The following COMMD1 variants were observed in gnomAD, a reference collection of about 807,000 sequenced individuals.
COMMD1 encodes the protein COMM domain-containing protein 1.
Under a neutral mutation model 17.2 loss-of-function variants are expected in COMMD1, and 10 were observed. The ratio of observed to expected loss-of-function variants is 0.58; its 90% confidence interval spans 0.36 to 0.99. COMMD1 has a LOEUF of 0.99. COMMD1 is among the 50% of genes least tolerant of loss of function. The pLI, the probability that COMMD1 is intolerant of heterozygous loss-of-function variation, is 0.01. For synonymous variants in COMMD1, 97 were observed against 91.6 expected (o/e 1.06, Z -0.34); for missense variants, 270 against 231.8 (o/e 1.17, Z -1.07).
intron 2 of COMMD1, among the ~76,000 whole-genome samples, chr2:62,040,940 G>A (rs1413781183): frequency 6.6e-6 from 1 of 152,094 alleles, no homozygotes; most frequent in African/African-American, 2.4e-5. Flanking sequence ...CAAACTCCTG[G>A]CCTCAAGTGG....
At chr2:62,030,297 A>G (rs1347596756) in intron 2 of COMMD1, among the ~76,000 whole-genome samples, 1 of 152,138 alleles carries the variant, frequency 6.6e-6, no homozygotes, top group African/African-American at 2.4e-5. Flanking sequence ...TCTATGACCC[A>G]CCTTGGGGAA....
chr2:62,076,624 G>A (rs984772475), intron 2 of COMMD1, among the ~76,000 whole-genome samples: 1 of 152,154 alleles, frequency 6.6e-6, no homozygotes, highest in Non-Finnish European at 1.5e-5. Context: ...GTGGGCACCT[G>A]TAATCCTAGC....
At chr2:62,062,559 C>T (rs1670892399) in intron 2 of COMMD1, among the ~76,000 whole-genome samples, 1 of 151,936 alleles carries the variant, frequency 6.6e-6, no homozygotes, top group South Asian at 2.1e-4. Flanking sequence ...AATGCATATA[C>T]AGTTCCTGAC....
chr2:62,078,048 G>A (rs1364669899), intron 2 of COMMD1, among the ~76,000 whole-genome samples: 1 of 151,964 alleles, frequency 6.6e-6, no homozygotes, highest in Non-Finnish European at 1.5e-5. Context: ...GGCCGAAGCA[G>A]GCGGATCACG....
intron 2 of COMMD1, among the ~76,000 whole-genome samples, chr2:62,032,459 C>T (rs1669932835): frequency 6.6e-6 from 1 of 152,144 alleles, no homozygotes; most frequent in African/African-American, 2.4e-5. Flanking sequence ...TCACTTGAGC[C>T]CCAGAGTTCC....
chr2:61,902,274 G>A (rs927691883), upstream of COMMD1, among the ~76,000 whole-genome samples: 50 of 152,038 alleles, frequency 3.3e-4, no homozygotes, highest in African/African-American at 1.0e-3. Context: ...TTGGGAGGCC[G>A]AGGCAGGTGG....
intron 2 of COMMD1, among the ~76,000 whole-genome samples, chr2:62,112,671 T>C (rs1351013408): frequency 1.3e-5 from 2 of 152,208 alleles, no homozygotes; most frequent in African/African-American, 2.4e-5. Flanking sequence ...TCCTACAAGA[T>C]AGGTATTATT....
chr2:62,029,809 G>GC (rs1669864954), intron 2 of COMMD1, among the ~76,000 whole-genome samples: 1 of 152,194 alleles, frequency 6.6e-6, no homozygotes, highest in South Asian at 2.1e-4. Flanking sequence ...TGTTGTAGAA[G>GC]ACTGTCCTGT....
At chr2:62,109,290 C>G (rs562640224) in intron 2 of COMMD1, among the ~76,000 whole-genome samples, 1 of 152,252 alleles carries the variant, frequency 6.6e-6, no homozygotes, top group Admixed American at 6.5e-5. Context: ...ACCCTGATAT[C>G]GTTTTTTGGG....
intron 2 of COMMD1, among the ~76,000 whole-genome samples, chr2:62,051,579 C>T (rs1001552416): frequency 6.6e-6 from 1 of 152,136 alleles, no homozygotes; most frequent in Non-Finnish European, 1.5e-5. Context: ...TGACAAATTT[C>T]TGAGGTAGAT....
Position 61,957,515 on chromosome 2 carries a change from A to AC in COMMD1, c.181-43182dup, listed in dbSNP as rs781283176. ...GATGCTTAACTCAGTTTTTGGATTG[A>AC]CCCCATTGCTGGTTAAGTTGGAATC... On this transcript the variant is annotated intron_variant, in intron 1 of 2. Transcript: ENST00000311832. Among the ~76,000 whole-genome samples, 3 of 152,044 alleles carry AC rather than the reference A, an allele frequency of 2.0e-5. No homozygotes were observed. The East Asian group carries it at 5.8e-4, about 29-fold the overall frequency.
chr2:61,994,009 C>T (rs909284632), intron 1 of COMMD1, among the ~76,000 whole-genome samples: 3 of 151,778 alleles, frequency 2.0e-5, no homozygotes, highest in Admixed American at 6.6e-5. Context: ...TCTTTCTTGG[C>T]GGAGTCTCGC....
At chr2:62,068,165 C>T (rs1671105526) in intron 2 of COMMD1, among the ~76,000 whole-genome samples, 1 of 152,132 alleles carries the variant, frequency 6.6e-6, no homozygotes, top group African/African-American at 2.4e-5. Flanking sequence ...AATTGATTCT[C>T]AACCAAGATG....
intron 1 of COMMD1, among the ~76,000 whole-genome samples, chr2:61,889,586 A>G (rs12470877): frequency 0.98 from 148,942 of 152,188 alleles, 72,893 homozygotes; most frequent in East Asian, 1. Context: ...TCTAAGGGAT[A>G]TGACTGAGTC....
chr2:62,019,772 G>A (rs1460829007), intron 2 of COMMD1, among the ~76,000 whole-genome samples: 1 of 152,140 alleles, frequency 6.6e-6, no homozygotes, highest in Non-Finnish European at 1.5e-5. Flanking sequence ...TGTATCCACT[G>A]AAAAGTTACT....
chr2:62,072,517 T>G (rs1175073110), intron 2 of COMMD1, among the ~76,000 whole-genome samples: 1 of 152,204 alleles, frequency 6.6e-6, no homozygotes, highest in Non-Finnish European at 1.5e-5. Flanking sequence ...ACCCTCCGGT[T>G]GTCCACATAA....
intron 2 of COMMD1, among the ~76,000 whole-genome samples, chr2:62,047,278 C>T (rs1220774002): frequency 6.6e-6 from 1 of 152,122 alleles, no homozygotes; most frequent in Non-Finnish European, 1.5e-5. Flanking sequence ...GACATTGTAG[C>T]TGTTGTAATG....
intron 1 of COMMD1, among the ~76,000 whole-genome samples, chr2:61,959,401 T>G (rs1671281957): frequency 6.6e-6 from 1 of 152,186 alleles, no homozygotes; most frequent in Non-Finnish European, 1.5e-5. Context: ...TTTTAGGAAA[T>G]AATACGTGAG....
intron 1 of COMMD1, among the ~76,000 whole-genome samples, chr2:61,944,643 A>T (rs1670859667): frequency 6.6e-6 from 1 of 152,128 alleles, no homozygotes. Context: ...CTCTCATGGT[A>T]CAAGGTAATT....
Sources: gnomAD v4.1 joint callset for allele counts (sites outside exome capture counted in the v4.1 genomes callset) on GRCh38, gnomAD v4.1.1 for gene constraint, MANE v1.5 for transcripts, NCBI Gene and HGNC (gene_info 2026-07-23, HGNC 2026-07-21) for gene names.